NCOA7: variants seen among roughly 807,000 people sequenced by gnomAD.
The protein encoded by NCOA7 is nuclear receptor coactivator 7.
In NCOA7, 45 loss-of-function variants were observed where a neutral mutation model predicts 104.3. The ratio of observed to expected loss-of-function variants is 0.43; its 90% CI spans 0.34 to 0.55. The LOEUF (loss-of-function observed/expected upper bound fraction) is 0.55, where lower values mean the gene tolerates loss of function less well. Among genes scored for constraint, NCOA7 ranks in the 20% least tolerant of loss-of-function variants. The pLI is 0.02. For synonymous variants in NCOA7, 398 were observed against 402.3 expected (o/e 0.99, Z 0.13); for missense variants, 1,041 against 1,119.7 (o/e 0.93, Z 1.00).
intron 2 of NCOA7, among the ~76,000 whole-genome samples, chr6:125,830,636 A>T (rs1779085210): frequency 6.6e-6 from 1 of 151,786 alleles, no homozygotes; most frequent in Non-Finnish European, 1.5e-5. Context: ...GAGCCTGAGA[A>T]GTCAAGGCTG....
intron 1 of NCOA7, among the ~76,000 whole-genome samples, chr6:125,792,160 C>G (rs1335857450): frequency 6.6e-6 from 1 of 152,158 alleles, no homozygotes; most frequent in Non-Finnish European, 1.5e-5. Context: ...TTCAAGCTTT[C>G]ATCTAAAAAC....
chr6:125,904,044 C>T (rs148437495), intron 10 of NCOA7, among the ~76,000 whole-genome samples: 11 of 152,298 alleles, frequency 7.2e-5, no homozygotes, highest in African/African-American at 2.6e-4. Context: ...TCTGCATACC[C>T]TCTGAAGTCA....
chr6:125,878,465 G>C, intron 5 of NCOA7, 95 bp downstream of exon 5: 1 of 748,220 alleles, frequency 1.3e-6, no homozygotes, highest in Non-Finnish European at 2.1e-6. Flanking sequence ...ACAGGATTAT[G>C]ATAAATGATA....
At chr6:125,870,610 C>G (rs1478123897) in intron 3 of NCOA7, among the ~76,000 whole-genome samples, 3 of 152,192 alleles carry the variant, frequency 2.0e-5, no homozygotes, top group African/African-American at 7.2e-5. Flanking sequence ...TCAGTATCAC[C>G]ACTACAAGGG....
chr6:125,840,868 G>GTTTTTTGTTTTTTTTTT (rs1780076650), intron 2 of NCOA7, among the ~76,000 whole-genome samples: 1 of 40,340 alleles, frequency 2.5e-5, no homozygotes, highest in Non-Finnish European at 4.3e-5. Flanking sequence ...TGTTTGGTTG[G>GTTTTTTGTTTTTTTTTT]TTTTTTTTTT....
chr6:125,864,009 G>T (rs1782245977), intron 3 of NCOA7, among the ~76,000 whole-genome samples: 1 of 130,062 alleles, frequency 7.7e-6, no homozygotes, highest in African/African-American at 3.4e-5. Flanking sequence ...GAGTGATGTG[G>T]TCAGGTTTTT....
chr6:125,922,401 T>TA (rs1211625359), intron 12 of NCOA7, among the ~76,000 whole-genome samples: 3 of 152,224 alleles, frequency 2.0e-5, no homozygotes, highest in Non-Finnish European at 2.9e-5. Context: ...TATGCCTCTT[T>TA]ATCCAGCTTG....
intron 1 of NCOA7, among the ~76,000 whole-genome samples, chr6:125,803,582 T>C (rs1025379954): frequency 1.3e-5 from 2 of 152,226 alleles, no homozygotes; most frequent in African/African-American, 2.4e-5. Flanking sequence ...AATTCAGTTA[T>C]TTTATTTTGC....
intron 3 of NCOA7, among the ~76,000 whole-genome samples, chr6:125,869,217 A>C (rs1346654824): frequency 6.6e-6 from 1 of 152,112 alleles, no homozygotes; most frequent in Non-Finnish European, 1.5e-5. Flanking sequence ...CTGTGACAGG[A>C]GCCAGATGCT....
At chr6:125,814,591 C>T (rs79589224) in intron 1 of NCOA7, among the ~76,000 whole-genome samples, 1,720 of 152,248 alleles carry the variant, frequency 0.011, 22 homozygotes, top group Non-Finnish European at 0.018. Flanking sequence ...AATTTTTGAG[C>T]AGGGGAGTGG....
intron 10 of NCOA7, among the ~76,000 whole-genome samples, chr6:125,905,226 C>T (rs1267166032): frequency 1.3e-5 from 2 of 151,016 alleles, no homozygotes; most frequent in African/African-American, 4.9e-5. Context: ...AGATCAGCTT[C>T]ACTAGAGTGG....
chr6:125,850,824 A>C (rs996652213), intron 2 of NCOA7, among the ~76,000 whole-genome samples: 2 of 152,200 alleles, frequency 1.3e-5, no homozygotes, highest in African/African-American at 4.8e-5. Flanking sequence ...GAAAGAGATG[A>C]GCTCTCTGCA....
chr6:125,804,670 A>G (rs1776260762), intron 1 of NCOA7, among the ~76,000 whole-genome samples: 1 of 152,222 alleles, frequency 6.6e-6, no homozygotes, highest in Admixed American at 6.5e-5. Flanking sequence ...TATTAAAAAT[A>G]TTTGGTAGAA....
chr6:125,813,045 C>T (rs938038880), intron 1 of NCOA7, among the ~76,000 whole-genome samples: 2 of 152,218 alleles, frequency 1.3e-5, no homozygotes, highest in Non-Finnish European at 2.9e-5. Flanking sequence ...GTCCTTAAAT[C>T]CTCTCACGTC....
intron 2 of NCOA7, among the ~76,000 whole-genome samples, chr6:125,831,062 T>C (rs893315095): frequency 6.6e-5 from 10 of 152,158 alleles, no homozygotes; most frequent in Non-Finnish European, 1.3e-4. Context: ...AAGGCTGAAT[T>C]GGAAAGCTTT....
chr6:125,786,915 G>A (rs1417515088), upstream of NCOA7, among the ~76,000 whole-genome samples: 7 of 152,102 alleles, frequency 4.6e-5, no homozygotes, highest in Non-Finnish European at 1.0e-4. Flanking sequence ...GGCAGACTGA[G>A]GCAGATGGAT....
In NCOA7 at chr6:125,931,718, A is replaced by G. The variant is rs1270641298; in HGVS notation, c.*2947A>G. 6.6e-6 allele frequency: 1 copy of G among 152,194 alleles called. No homozygotes were observed. 9.4% of individuals were successfully genotyped at this position (152,194 alleles called of 1,614,324 possible). A position where few individuals can be genotyped will look rare whatever the true frequency, so the allele number is the denominator to read the frequency against. ...CTTGATGCCTTTTAAAGTTTTAGAGACACATTGATATGGTTTGGCTGTGTG... is the reference window on the plus strand; with the variant it reads ...CTTGATGCCTTTTAAAGTTTTAGAGGCACATTGATATGGTTTGGCTGTGTG... On this transcript the variant is annotated 3_prime_UTR_variant, in exon 16 of 16. Coordinates refer to ENST00000392477, the MANE Select transcript of NCOA7 (RefSeq NM_181782.5).
intron 11 of NCOA7, among the ~76,000 whole-genome samples, chr6:125,918,706 A>G (rs538819465): frequency 6.6e-6 from 1 of 152,330 alleles, no homozygotes; most frequent in East Asian, 1.9e-4. Context: ...GTTTTATAAA[A>G]CTACATGTAA....
At chr6:125,848,179 G>A (rs913614531) in intron 2 of NCOA7, among the ~76,000 whole-genome samples, 2 of 152,172 alleles carry the variant, frequency 1.3e-5, no homozygotes, top group Admixed American at 1.3e-4. Flanking sequence ...TGGAGAAATA[G>A]GAATGCTTTT....
Sources: gnomAD v4.1 joint callset for allele counts (sites outside exome capture counted in the v4.1 genomes callset) on GRCh38, gnomAD v4.1.1 for gene constraint, MANE v1.5 for transcripts, NCBI Gene and HGNC (gene_info 2026-07-23, HGNC 2026-07-21) for gene names.